The following WWOX variants were observed in gnomAD, a reference collection of about 807,000 sequenced individuals.
WWOX encodes WW domain containing oxidoreductase.
In WWOX, 69 loss-of-function variants were observed where a neutral mutation model predicts 46.2. That is an observed-to-expected ratio of 1.49 (90% CI 1.23 to 1.82). The LOEUF is 1.82. WWOX is among the 40% of genes most tolerant of loss of function. The pLI, the probability that WWOX is intolerant of heterozygous loss-of-function variation, is 0.00. For synonymous variants in WWOX, 359 were observed against 202.6 expected, an observed-to-expected ratio of 1.77 and a Z score of -6.56; for missense variants, 919 against 542.6, an observed-to-expected ratio of 1.69 and a Z score of -6.89.
chr16:78,909,110 A>G (rs1304647774), intron 8 of WWOX, among the ~76,000 whole-genome samples: 1 of 152,254 alleles, frequency 6.6e-6, no homozygotes. Flanking sequence ...TCAACTTTGA[A>G]CAAGACAGCC....
At chr16:79,208,742 C>T (rs539737458) in intron 8 of WWOX, among the ~76,000 whole-genome samples, 2 of 151,818 alleles carry the variant, frequency 1.3e-5, no homozygotes, top group South Asian at 2.1e-4. Flanking sequence ...ATATGTAGGC[C>T]GAAAAGCTGG....
At chr16:78,237,405 AG>A (rs1271418920) in intron 5 of WWOX, 3 of 152,290 alleles carry the variant, frequency 2.0e-5, no homozygotes, top group Non-Finnish European at 4.4e-5. Context: ...TGAAAAATTG[AG>A]TAGGAAGCAA....
At chr16:78,663,041 G>A (rs2047253325) in intron 8 of WWOX, among the ~76,000 whole-genome samples, 1 of 152,120 alleles carries the variant, frequency 6.6e-6, no homozygotes, top group Non-Finnish European at 1.5e-5. Context: ...CTTTAAAGTG[G>A]ACAATTCATT....
In WWOX at chr16:78,508,310, CTTTTTTTTTT is replaced by C. The variant is rs60281450; in HGVS notation, c.1056+75579_1056+75588del. Among the ~76,000 whole-genome samples, 9 of 112,772 alleles carry C rather than the reference CTTTTTTTTTT, an allele frequency of 8.0e-5. No homozygotes were observed. In the East Asian group the frequency reaches 8.2e-4, roughly 10 times the overall value. 74.0% of individuals were successfully genotyped at this position (112,772 alleles called of 152,430 possible). On this transcript the variant is annotated intron_variant, in intron 8 of 8. Coordinates refer to ENST00000566780, the MANE Select transcript of WWOX (RefSeq NM_016373.4). Reference sequence around the variant, plus strand: ...ATAGGCGTGAGCCACTGCGCCCGGCCTTTTTTTTTTTTTTTTTTTTTTTTTTTTTTAACGC... The same window carrying C: ...ATAGGCGTGAGCCACTGCGCCCGGCCTTTTTTTTTTTTTTTTTTTTAACGC...
chr16:79,136,072 A>G (rs1002762648), intron 8 of WWOX, among the ~76,000 whole-genome samples: 1 of 152,184 alleles, frequency 6.6e-6, no homozygotes, highest in Non-Finnish European at 1.5e-5. Context: ...CTCTGAATGC[A>G]CAGTGAATTT....
At chr16:78,821,912 C>A (rs1040948908) in intron 8 of WWOX, among the ~76,000 whole-genome samples, 1 of 152,202 alleles carries the variant, frequency 6.6e-6, no homozygotes, top group South Asian at 2.1e-4. Context: ...CAGAATCTCA[C>A]TGTGTTGCTC....
chr16:78,735,651 T>A (rs2049073601), intron 8 of WWOX, among the ~76,000 whole-genome samples: 1 of 152,256 alleles, frequency 6.6e-6, no homozygotes, highest in African/African-American at 2.4e-5. Context: ...CTCTCCCTGC[T>A]GCTGGCCTCT....
intron 8 of WWOX, among the ~76,000 whole-genome samples, chr16:78,894,804 C>T (rs1033133429): frequency 2.6e-5 from 4 of 152,122 alleles, no homozygotes; most frequent in Admixed American, 6.6e-5. Flanking sequence ...GACCTTGAGA[C>T]CCCAAGACCG....
intron 8 of WWOX, among the ~76,000 whole-genome samples, chr16:79,186,307 G>T (rs549823125): frequency 6.6e-6 from 1 of 152,180 alleles, no homozygotes; most frequent in African/African-American, 2.4e-5. Flanking sequence ...GAAGCCAGAC[G>T]TCTGAGACCA....
At chr16:78,398,448 G>C (rs1488849130) in intron 6 of WWOX, among the ~76,000 whole-genome samples, 1 of 152,202 alleles carries the variant, frequency 6.6e-6, no homozygotes, top group Non-Finnish European at 1.5e-5. Context: ...GATGGCAAGA[G>C]GAGAAAAACC....
chr16:78,120,631 G>C (rs1050180477), intron 4 of WWOX, among the ~76,000 whole-genome samples: 1 of 151,880 alleles, frequency 6.6e-6, no homozygotes. Flanking sequence ...ATTATAGTGT[G>C]ATGTTGAAAT....
chr16:78,578,404 C>A (rs1467056039), intron 8 of WWOX, among the ~76,000 whole-genome samples: 2 of 148,314 alleles, frequency 1.3e-5, no homozygotes, highest in East Asian at 4.0e-4. Context: ...ATTCTCCTGC[C>A]TCAGCCTCCT....
chr16:78,975,427 TAAGAAA>T (rs1216019149), intron 8 of WWOX, among the ~76,000 whole-genome samples: 1 of 151,470 alleles, frequency 6.6e-6, no homozygotes, highest in Non-Finnish European at 1.5e-5. Flanking sequence ...ACACTGGAGG[TAAGAAA>T]CCTTGGCCTA....
In WWOX at chr16:79,095,882, T is replaced by A. The variant is rs867090526; in HGVS notation, c.1057-115726T>A. 3.2e-3 allele frequency among the ~76,000 whole-genome samples: 445 copies of A among 137,446 alleles called. 3 individuals carry two copies. The highest frequency in any genetic ancestry group is 0.012 in the African/African-American group (417 of 34,568). 90.2% of individuals were successfully genotyped at this position (137,446 alleles called of 152,430 possible). On this transcript the variant is annotated intron_variant, in intron 8 of 8. Transcript: ENST00000566780. ...TCTCTTTTTTTTTTTTTTTTTTTTT[T>A]AAGACAGAGTCTTGCTCTGTTGTTT...
intron 8 of WWOX, among the ~76,000 whole-genome samples, chr16:78,584,167 C>T (rs982000304): frequency 1.3e-5 from 2 of 152,206 alleles, no homozygotes; most frequent in Non-Finnish European, 2.9e-5. Flanking sequence ...TTCTCCTTCT[C>T]TAAGACTAAC....
chr16:78,131,037 G>A (rs534178385), intron 4 of WWOX, among the ~76,000 whole-genome samples: 28 of 152,340 alleles, frequency 1.8e-4, no homozygotes, highest in African/African-American at 6.7e-4. Context: ...ACTATAGGCA[G>A]TCATAACACA....
chr16:78,711,571 A>C (rs987238459), intron 8 of WWOX, among the ~76,000 whole-genome samples: 1 of 152,236 alleles, frequency 6.6e-6, no homozygotes, highest in Admixed American at 6.5e-5. Context: ...GTGTGAGCAG[A>C]TGACGGAATG....
chr16:78,804,462 C>A (rs1187236159), intron 8 of WWOX, among the ~76,000 whole-genome samples: 1 of 151,832 alleles, frequency 6.6e-6, no homozygotes, highest in African/African-American at 2.4e-5. Flanking sequence ...TGAGAAAAGA[C>A]TTTTAATATT....
chr16:78,945,135 G>A (rs1436360933), intron 8 of WWOX, among the ~76,000 whole-genome samples: 21 of 152,086 alleles, frequency 1.4e-4, no homozygotes, highest in Non-Finnish European at 1.5e-5. Context: ...AGCCGAGACC[G>A]CACCTCTGGA....
Sources: gnomAD v4.1 joint callset for allele counts (sites outside exome capture counted in the v4.1 genomes callset) on GRCh38, gnomAD v4.1.1 for gene constraint, MANE v1.5 for transcripts, NCBI Gene and HGNC (gene_info 2026-07-23, HGNC 2026-07-21) for gene names.